AKT3: variants seen among roughly 807,000 people sequenced by gnomAD.
AKT3 encodes AKT serine/threonine kinase 3.
A neutral mutation model predicts 65.3 loss-of-function variants in AKT3; 15 were observed. The ratio of observed to expected loss-of-function variants is 0.23; its 90% CI spans 0.15 to 0.35. AKT3 has a LOEUF of 0.35. AKT3 is among the 10% of genes least tolerant of loss of function. The pLI, the probability that AKT3 is intolerant of heterozygous loss-of-function variation, is 1.00. For synonymous variants in AKT3, 206 were observed against 183.8 expected, an observed-to-expected ratio of 1.12 and a Z score of -0.98; for missense variants, 243 against 576.5, an observed-to-expected ratio of 0.42 and a Z score of 5.92.
At chr1:243,821,807 CAA>C (rs1251217484) in intron 2 of AKT3, among the ~76,000 whole-genome samples, 1 of 152,158 alleles carries the variant, frequency 6.6e-6, no homozygotes, top group Non-Finnish European at 1.5e-5. Flanking sequence ...TACAAAGAGA[CAA>C]AGACTCCCAT....
intron 12 of AKT3, among the ~76,000 whole-genome samples, chr1:243,535,186 A>T (rs199966423): frequency 0.011 from 54 of 5,006 alleles, no homozygotes; most frequent in African/African-American, 0.039. Context: ...TTTTAAAATA[A>T]TTTTAAAATA....
intron 2 of AKT3, among the ~76,000 whole-genome samples, chr1:243,716,456 A>G (rs1686519825): frequency 6.6e-6 from 1 of 152,196 alleles, no homozygotes; most frequent in African/African-American, 2.4e-5. Context: ...TATTAAGTCA[A>G]AGACTGACAT....
In AKT3 at chr1:243,783,830, A is replaced by C. The variant is rs547129654; in HGVS notation, c.46+59295T>G. On this transcript the variant is annotated intron_variant, in intron 2 of 13. Coordinates refer to ENST00000673466, the MANE Select transcript of AKT3 (RefSeq NM_005465.7). ...AATTGATAATAGAAAGCAGTACCAT[A>C]CACAAACACAAAATTAACAATAAGA... is the stretch of plus-strand genomic sequence containing the variant. Among the ~76,000 whole-genome samples the C allele has an allele frequency of 2.0e-5, 3 of 152,346 alleles. No homozygotes were observed. The South Asian group carries it at 6.2e-4, about 32-fold the overall frequency.
chr1:243,646,446 G>A (rs183554247), intron 4 of AKT3, among the ~76,000 whole-genome samples: 83 of 151,622 alleles, frequency 5.5e-4, no homozygotes, highest in African/African-American at 1.8e-3. Context: ...CCTCCACCTC[G>A]TGGGTTCAAG....
At chr1:243,630,099 TAGATACAAA>T (rs1679492344) in intron 6 of AKT3, among the ~76,000 whole-genome samples, 1 of 152,136 alleles carries the variant, frequency 6.6e-6, no homozygotes, top group East Asian at 1.9e-4. Flanking sequence ...TACCCAATGG[TAGATACAAA>T]AGCTCAAAAT....
intron 3 of AKT3, among the ~76,000 whole-genome samples, chr1:243,679,713 A>T (rs996879767): frequency 5.9e-5 from 9 of 152,214 alleles, no homozygotes; most frequent in African/African-American, 2.2e-4. Context: ...CCTGGAGTCT[A>T]ATATCAGAAT....
chr1:243,667,579 T>A lies in AKT3; in HGVS notation c.173-2696A>T, dbSNP rs567600756. Among the ~76,000 whole-genome samples the A allele has an allele frequency of 1.1e-4, 16 of 152,320 alleles. No homozygotes were observed. The South Asian group carries it at 3.1e-3, about 30-fold the overall frequency. Reference sequence around the variant, plus strand: ...TCCACTACCTCAGACTAAGCCATCATTGTCTCTCACCTGATGATTCCAAAA... The same window carrying A: ...TCCACTACCTCAGACTAAGCCATCAATGTCTCTCACCTGATGATTCCAAAA... On this transcript the variant is annotated intron_variant, in intron 3 of 13. Transcript: ENST00000673466.
At chr1:243,813,194 T>C (rs1289247234) in intron 2 of AKT3, among the ~76,000 whole-genome samples, 1 of 152,020 alleles carries the variant, frequency 6.6e-6, no homozygotes, top group Non-Finnish European at 1.5e-5. Flanking sequence ...GAGAAAAATA[T>C]ATCTTTACAG....
At chr1:243,768,853 G>C (rs954494232) in intron 2 of AKT3, among the ~76,000 whole-genome samples, 8 of 149,828 alleles carry the variant, frequency 5.3e-5, no homozygotes, top group African/African-American at 2.0e-4. Flanking sequence ...AAAAAAGAGA[G>C]CGATAGTTCA....
chr1:243,675,699 C>G (rs150293786), intron 3 of AKT3, among the ~76,000 whole-genome samples: 1 of 152,172 alleles, frequency 6.6e-6, no homozygotes, highest in Non-Finnish European at 1.5e-5. Flanking sequence ...ATATATTTTC[C>G]TTGTTCTCAT....
intron 2 of AKT3, among the ~76,000 whole-genome samples, chr1:243,723,628 A>C (rs1417263396): frequency 6.6e-6 from 1 of 152,226 alleles, no homozygotes; most frequent in Non-Finnish European, 1.5e-5. Context: ...AATCAAGAGT[A>C]AAGTGTTTCC....
rs1058305 is a variant in AKT3 at position 243,501,340 on chromosome 1, A to G, written c.*3909T>C. The G allele has an allele frequency of 0.34, 79,130 of 232,976 alleles. 16,596 individuals carry two copies. Among genetic ancestry groups the G allele is most frequent in the African/African-American group, 0.66 (29,782 of 45,356 alleles). The allele number at this position is 232,976 out of a possible 1,614,324, so 14.4% of individuals were successfully genotyped here. ...TTAGAAATACACTCTAAGAAAGGAA[A>G]TATGCAGAGCAGTACATTATCAGGA... On this transcript the variant is annotated 3_prime_UTR_variant, in exon 14 of 14. Coordinates refer to ENST00000673466, the MANE Select transcript of AKT3 (RefSeq NM_005465.7).
chr1:243,800,073 G>A (rs1558822665), intron 2 of AKT3, among the ~76,000 whole-genome samples: 1 of 152,020 alleles, frequency 6.6e-6, no homozygotes, highest in Non-Finnish European at 1.5e-5. Flanking sequence ...TCTCCAGAGT[G>A]CTATCCTCTC....
intron 10 of AKT3, among the ~76,000 whole-genome samples, chr1:243,559,176 A>G (rs573993341): frequency 3.3e-5 from 5 of 152,276 alleles, no homozygotes; most frequent in African/African-American, 7.2e-5. Context: ...ATAATTTACT[A>G]TAAGTTTATT....
intron 2 of AKT3, among the ~76,000 whole-genome samples, chr1:243,798,393 A>ATTTTTTTTTTTTTTTT (rs759264137): frequency 2.0e-4 from 17 of 83,330 alleles, no homozygotes; most frequent in East Asian, 3.8e-4. Context: ...CTAATTTTTA[A>ATTTTTTTTTTTTTTTT]TTTTTTTTTT....
intron 2 of AKT3, among the ~76,000 whole-genome samples, chr1:243,822,079 C>T (rs941934332): frequency 3.3e-5 from 5 of 152,130 alleles, no homozygotes; most frequent in Non-Finnish European, 7.4e-5. Context: ...CTAACAGTCT[C>T]TCAGACAACA....
chr1:243,508,272 G>T (rs1669795692), intron 13 of AKT3, among the ~76,000 whole-genome samples: 1 of 152,180 alleles, frequency 6.6e-6, no homozygotes, highest in South Asian at 2.1e-4. Context: ...TGCCCTAGAA[G>T]AACCCAGAAG....
At chr1:243,722,596 C>T (rs866441409) in intron 2 of AKT3, among the ~76,000 whole-genome samples, 1 of 152,150 alleles carries the variant, frequency 6.6e-6, no homozygotes, top group South Asian at 2.1e-4. Flanking sequence ...CAACTTCCTT[C>T]AGACTAAGAA....
chr1:243,680,860 GA>G (rs1339920488), intron 3 of AKT3, among the ~76,000 whole-genome samples: 2 of 152,012 alleles, frequency 1.3e-5, no homozygotes, highest in Admixed American at 6.6e-5. Context: ...TCCCTAAATG[GA>G]ATTATCCAAA....
Sources: allele counts gnomAD v4.1 joint callset (sites outside exome capture counted in the v4.1 genomes callset), GRCh38; gene constraint gnomAD v4.1.1; transcripts MANE v1.5; gene names NCBI Gene and HGNC (gene_info 2026-07-23, HGNC 2026-07-21).